Variants in CNTNAP4 observed in about 807,000 individuals in gnomAD.
CNTNAP4 encodes the protein contactin associated protein family member 4.
CNTNAP4 carries 98 observed loss-of-function variants against 148.4 expected under a neutral mutation model. That is an observed-to-expected ratio of 0.66 (90% CI 0.56 to 0.78). The LOEUF is 0.78. CNTNAP4 is among the 30% of genes least tolerant of loss of function. CNTNAP4 has a pLI of 0.00. For synonymous variants in CNTNAP4, 730 were observed against 565.1 expected (o/e 1.29, Z -4.14); for missense variants, 1,935 against 1,565.6 (o/e 1.24, Z -3.98).
At chr16:76,383,703 G>C (rs539803131) in intron 3 of CNTNAP4, among the ~76,000 whole-genome samples, 156 of 152,264 alleles carry the variant, frequency 1.0e-3, no homozygotes, top group African/African-American at 3.6e-3. Context: ...TTGTGTTTTT[G>C]TTTTATAAGG....
In CNTNAP4 at chr16:76,560,412, G is replaced by T. The variant is rs1020542746; in HGVS notation, c.*1729G>T. On this transcript the variant is annotated 3_prime_UTR_variant, in exon 24 of 24. Coordinates refer to ENST00000611870, the MANE Select transcript of CNTNAP4 (RefSeq NM_033401.5). ...AGTTTACGAAGGACTAAGGACCTAT[G>T]TTGGTAGATGGTATACTCTTTGTTT... Among the ~76,000 whole-genome samples the T allele has an allele frequency of 6.6e-6, 1 of 152,188 alleles. No individual in the cohort carries two copies. Among genetic ancestry groups the T allele is most frequent in the African/African-American group, 2.4e-5 (1 of 41,452 alleles).
chr16:76,553,974 A>C (rs1255831274), intron 23 of CNTNAP4, 67 bp downstream of exon 23: 10 of 1,035,762 alleles, frequency 9.7e-6, no homozygotes, highest in African/African-American at 1.6e-5. Flanking sequence ...AATATTTAGC[A>C]TTGTAGAAAC....
intron 1 of CNTNAP4, among the ~76,000 whole-genome samples, chr16:76,280,366 A>G (rs1286784970): frequency 6.6e-6 from 1 of 152,154 alleles, no homozygotes; most frequent in African/African-American, 2.4e-5. Context: ...ACAAACATAT[A>G]TGTTCACATA....
chr16:76,456,510 C>G (rs1465499783), intron 8 of CNTNAP4, among the ~76,000 whole-genome samples: 1 of 152,146 alleles, frequency 6.6e-6, no homozygotes, highest in African/African-American at 2.4e-5. Context: ...TTGCTTCTGT[C>G]TGTGTTTAGA....
intron 3 of CNTNAP4, among the ~76,000 whole-genome samples, chr16:76,375,513 G>C (rs1470307338): frequency 6.6e-6 from 1 of 152,198 alleles, no homozygotes; most frequent in Non-Finnish European, 1.5e-5. Flanking sequence ...TTGTCATGTA[G>C]GAAAGCTGTG....
Position 76,522,191 on chromosome 16 carries a change from C to G in CNTNAP4, c.2689C>G (p.Pro897Ala). The G allele has an allele frequency of 1.2e-6, 2 of 1,613,984 alleles. No homozygotes were observed. The highest frequency in any genetic ancestry group is 1.7e-6 in the Non-Finnish European group (2 of 1,179,894). The part of the protein sequence containing the change: ...EASLQVDQLT[P>A]KTQPAPADGH... Reference sequence around the variant, plus strand: ...CTCCCTTCAAGTGGATCAGCTGACACCAAAGACACAGCCCGCCCCCGCTGA... The same window carrying G: ...CTCCCTTCAAGTGGATCAGCTGACAGCAAAGACACAGCCCGCCCCCGCTGA... The change falls in exon 17 of 24, where the codon CCA becomes GCA. Residue 897 changes from proline to alanine, a missense_variant. Transcript: ENST00000611870.
intron 1 of CNTNAP4, among the ~76,000 whole-genome samples, chr16:76,291,318 G>T (rs1959105507): frequency 6.6e-6 from 1 of 152,054 alleles, no homozygotes; most frequent in Admixed American, 6.5e-5. Flanking sequence ...TCAGTGCATT[G>T]CCGAGATCAA....
At chr16:76,306,286 C>T (rs1179256456) in intron 1 of CNTNAP4, among the ~76,000 whole-genome samples, 1 of 152,166 alleles carries the variant, frequency 6.6e-6, no homozygotes, top group Non-Finnish European at 1.5e-5. Flanking sequence ...TATAGACTTT[C>T]ATTTCGAAGC....
At chr16:76,472,806 T>C (rs940183040) in intron 10 of CNTNAP4, among the ~76,000 whole-genome samples, 1 of 151,888 alleles carries the variant, frequency 6.6e-6, no homozygotes, top group South Asian at 2.1e-4. Flanking sequence ...TTACTGGAGG[T>C]TGGAGGGTGG....
rs575974007 is a variant in CNTNAP4, at chr16:76,357,960, A to T, written c.390+2449A>T. ...AAATAGGTGAAAGGACCAATAAATG[A>T]ATGGATGTGAGTATGTCAGTCTGCT... On this transcript the variant is annotated intron_variant, in intron 3 of 23. Transcript: ENST00000611870. Among the ~76,000 whole-genome samples, 13 of 152,300 alleles carry T rather than the reference A, an allele frequency of 8.5e-5. No homozygotes were observed. The South Asian group carries it at 1.9e-3, about 22-fold the overall frequency.
At position 76,349,088 on chromosome 16, in the gene CNTNAP4, C is replaced by A. The variant is rs149143093; in HGVS notation, c.197-6230C>A. Reference sequence around the variant, plus strand: ...ACTAGAAAGCACGGCAAACACTCTGCAGGCACAGCAGGACCTAGCGGTCCT... The same window carrying A: ...ACTAGAAAGCACGGCAAACACTCTGAAGGCACAGCAGGACCTAGCGGTCCT... On this transcript the variant is annotated intron_variant, in intron 2 of 23. Coordinates refer to ENST00000611870, the MANE Select transcript of CNTNAP4 (RefSeq NM_033401.5). Among the ~76,000 whole-genome samples the A allele has an allele frequency of 3.1e-3, 467 of 152,224 alleles. 1 individual carries two copies. The highest frequency in any genetic ancestry group is 5.6e-3 in the Admixed American group (86 of 15,276).
intron 3 of CNTNAP4, among the ~76,000 whole-genome samples, chr16:76,372,713 A>AC (rs1158616128): frequency 6.6e-6 from 1 of 151,846 alleles, no homozygotes; most frequent in Non-Finnish European, 1.5e-5. Context: ...AGTCCATTAA[A>AC]CCTCTTTTTC....
chr16:76,428,420 T>A (rs1486359638), intron 4 of CNTNAP4, among the ~76,000 whole-genome samples: 3 of 57,246 alleles, frequency 5.2e-5, no homozygotes, highest in Non-Finnish European at 1.6e-4. Context: ...CACGACATCG[T>A]TTTTTTTTTT....
intron 3 of CNTNAP4, among the ~76,000 whole-genome samples, chr16:76,383,728 A>G (rs12102694): frequency 0.56 from 85,239 of 151,994 alleles, 25,030 homozygotes; most frequent in East Asian, 0.87. Context: ...CTCATTCTTT[A>G]AAGATACACT....
chr16:76,473,856 G>T (rs995542940), intron 10 of CNTNAP4, among the ~76,000 whole-genome samples: 2 of 147,676 alleles, frequency 1.4e-5, no homozygotes, highest in African/African-American at 5.3e-5. Flanking sequence ...TTTTTGTTTT[G>T]TTTTGTTTTG....
chr16:76,299,083 C>T (rs1567619111), intron 1 of CNTNAP4, among the ~76,000 whole-genome samples: 1 of 152,126 alleles, frequency 6.6e-6, no homozygotes, highest in Non-Finnish European at 1.5e-5. Context: ...AGGACATAGG[C>T]ATGGGCAAGG....
chr16:76,376,904 GGTTT>G (rs1327718342), intron 3 of CNTNAP4, among the ~76,000 whole-genome samples: 6 of 103,926 alleles, frequency 5.8e-5, no homozygotes, highest in African/African-American at 1.7e-4. Flanking sequence ...AAACTAACAA[GGTTT>G]GTGTGTGTGT....
chr16:76,506,428 CT>C (rs869246934), intron 15 of CNTNAP4, among the ~76,000 whole-genome samples: 2 of 64,134 alleles, frequency 3.1e-5, no homozygotes, highest in African/African-American at 1.1e-4. Context: ...TCCTTCCTCC[CT>C]TCCCTTCCCT....
chr16:76,395,672 T>A (rs755934635), intron 3 of CNTNAP4, among the ~76,000 whole-genome samples: 3 of 152,266 alleles, frequency 2.0e-5, no homozygotes, highest in Non-Finnish European at 4.4e-5. Flanking sequence ...GCAGTTCTAT[T>A]TTGGTCACAC....
Sources: allele counts gnomAD v4.1 joint callset (sites outside exome capture counted in the v4.1 genomes callset), GRCh38; gene constraint gnomAD v4.1.1; transcripts MANE v1.5; gene names NCBI Gene and HGNC (gene_info 2026-07-23, HGNC 2026-07-21).